Variants in MID1 observed in about 807,000 individuals in gnomAD.
The protein encoded by MID1 is midline 1.
MID1 carries 7 observed loss-of-function variants against 40.4 expected under a neutral mutation model. The ratio of observed to expected loss-of-function variants is 0.17; its 90% CI spans 0.10 to 0.33. MID1 has a LOEUF of 0.33. Ranked by LOEUF, MID1 falls within the 10% of genes least tolerant of loss-of-function variation. The pLI, the probability that MID1 is intolerant of heterozygous loss-of-function variation, is 1.00. For missense variants in MID1, 367 were observed against 558.5 expected (o/e 0.66, Z 3.46); for synonymous variants, 229 against 221.2 (o/e 1.04, Z -0.31).
At chrX:10,685,668 C>G (rs2043090329) in intron 1 of MID1, among the ~76,000 whole-genome samples, 1 of 111,294 alleles carries the variant, frequency 9.0e-6, no homozygotes, top group African/African-American at 3.3e-5. Context: ...TTTGTCCAAC[C>G]CTGTTTCTAC....
At chrX:10,673,575 C>A (rs138864608) in intron 1 of MID1, among the ~76,000 whole-genome samples, 157 of 111,619 alleles carry the variant, frequency 1.4e-3, no homozygotes, top group Middle Eastern at 4.6e-3. Flanking sequence ...GCTCTCTGAT[C>A]ATAAAGGAAG....
intron 1 of MID1, among the ~76,000 whole-genome samples, chrX:10,774,721 A>G (rs1301607494): frequency 9.0e-6 from 1 of 111,637 alleles, no homozygotes; most frequent in African/African-American, 3.3e-5. Flanking sequence ...TATCAGGAAT[A>G]CTTTCTAAAA....
At chrX:10,667,805 G>A (rs192797548) in intron 1 of MID1, among the ~76,000 whole-genome samples, 14 of 111,715 alleles carry the variant, frequency 1.3e-4, no homozygotes, top group Non-Finnish European at 1.5e-4. Context: ...GAACTCATCC[G>A]TGAAGAATAA....
At chrX:10,460,097 G>T in intron 7 of MID1, 2 of 372,729 alleles carry the variant, frequency 5.4e-6, no homozygotes, top group South Asian at 6.9e-5. Context: ...TTGGTCAAGT[G>T]ACTTGCTTTG....
At chrX:10,651,245 G>A (rs1315528146) in intron 1 of MID1, among the ~76,000 whole-genome samples, 1 of 111,541 alleles carries the variant, frequency 9.0e-6, no homozygotes, top group Non-Finnish European at 1.9e-5. Flanking sequence ...AGGACTGGAA[G>A]TAGCATATAC....
At chrX:10,749,331 C>T (rs183262406) in intron 1 of MID1, among the ~76,000 whole-genome samples, 2 of 111,340 alleles carry the variant, frequency 1.8e-5, no homozygotes, top group South Asian at 3.8e-4. Context: ...GGACCAACAG[C>T]GTCAGCATCT....
intron 1 of MID1, among the ~76,000 whole-genome samples, chrX:10,699,688 C>T (rs1569149782): frequency 8.9e-6 from 1 of 112,027 alleles, no homozygotes; most frequent in Non-Finnish European, 1.9e-5. Flanking sequence ...TTCTGGACAT[C>T]ACAGAGTCTA....
chrX:10,766,548 G>T (rs960443390), intron 1 of MID1, among the ~76,000 whole-genome samples: 11 of 112,152 alleles, frequency 9.8e-5, no homozygotes, highest in Middle Eastern at 4.6e-3. Flanking sequence ...CAGATGAGAA[G>T]AATCAAAATT....
intron 1 of MID1, among the ~76,000 whole-genome samples, chrX:10,585,627 T>A (rs1472364319): frequency 9.0e-6 from 1 of 110,883 alleles, no homozygotes; most frequent in South Asian, 3.8e-4. Flanking sequence ...TTCCTCTTTT[T>A]TCTAGTGAGG....
chrX:10,558,530 T>C (rs746474878), intron 2 of MID1, among the ~76,000 whole-genome samples: 4 of 112,996 alleles, frequency 3.5e-5, no homozygotes, highest in African/African-American at 1.3e-4. Context: ...ACAAAACACA[T>C]TAAAGCAACA....
At chrX:10,698,238 GC>G (rs902803603) in intron 1 of MID1, among the ~76,000 whole-genome samples, 2 of 100,647 alleles carry the variant, frequency 2.0e-5, no homozygotes, top group African/African-American at 3.5e-5. Context: ...GGTGACACCT[GC>G]CCCCCATCCC....
intron 1 of MID1, among the ~76,000 whole-genome samples, chrX:10,593,780 C>T (rs1018049678): frequency 1.8e-5 from 2 of 108,225 alleles, no homozygotes; most frequent in Non-Finnish European, 3.8e-5. Context: ...CACACACACA[C>T]ACACACACAC....
chrX:10,601,291 C>A (rs1387748370), intron 1 of MID1, among the ~76,000 whole-genome samples: 1 of 112,074 alleles, frequency 8.9e-6, no homozygotes, highest in African/African-American at 3.2e-5. Context: ...AGACCACAGG[C>A]CGCCTATGTA....
At position 10,662,823 on chromosome X, in the gene MID1, C is replaced by T. The variant is rs201646855; in HGVS notation, c.-186-42404G>A. Among the ~76,000 whole-genome samples, 6 of 110,731 alleles carry T rather than the reference C, an allele frequency of 5.4e-5. No individual in the cohort carries two copies. In the East Asian group the frequency reaches 1.7e-3, roughly 31 times the overall value. On this transcript the variant is annotated intron_variant, in intron 1 of 10. Coordinates refer to the MID1 transcript ENST00000380785. ...TAATTCCAAAGAGGTCCAGCTTTGG[C>T]TCAGTCTTACACGGCATGTGAATGG...
intron 1 of MID1, among the ~76,000 whole-genome samples, chrX:10,694,935 C>T (rs1287106889): frequency 9.0e-6 from 1 of 111,159 alleles, no homozygotes; most frequent in African/African-American, 3.3e-5. Context: ...ATGATAATAG[C>T]CCCTCCCCAA....
At chrX:10,690,322 C>A (rs2043124469) in intron 1 of MID1, among the ~76,000 whole-genome samples, 1 of 111,829 alleles carries the variant, frequency 8.9e-6, no homozygotes, top group Admixed American at 9.5e-5. Flanking sequence ...CTTCAAAAAG[C>A]AGTATTTCCA....
At chrX:10,736,224 C>T (rs1242003338) in intron 1 of MID1, among the ~76,000 whole-genome samples, 1 of 111,427 alleles carries the variant, frequency 9.0e-6, no homozygotes, top group Non-Finnish European at 1.9e-5. Flanking sequence ...CGTGATCCGC[C>T]CGCCTCGGCC....
At chrX:10,563,193 T>G in intron 2 of MID1, among the ~76,000 whole-genome samples, 1 of 111,786 alleles carries the variant, frequency 8.9e-6, no homozygotes, top group Non-Finnish European at 1.9e-5. Flanking sequence ...TAAATCAAAC[T>G]ATTAAAAAAT....
rs375406314 is a variant in MID1, at chrX:10,806,550, G to C, written c.-187+27004C>G. Among the ~76,000 whole-genome samples, 7 of 111,846 alleles carry C rather than the reference G, an allele frequency of 6.3e-5. No homozygotes were observed. In the South Asian group the frequency reaches 1.5e-3, roughly 24 times the overall value. ...AGAGGGCGGGATTGATGACTGACAT[G>C]CTCTTTACATTTTGGAATGAAAACC... On this transcript the variant is annotated intron_variant, in intron 1 of 10. Transcript: ENST00000380785.
Sources: gnomAD v4.1 joint callset for allele counts (sites outside exome capture counted in the v4.1 genomes callset) on GRCh38, gnomAD v4.1.1 for gene constraint, MANE v1.5 for transcripts, NCBI Gene and HGNC (gene_info 2026-07-23, HGNC 2026-07-21) for gene names.